MORC1: variants seen among roughly 807,000 people sequenced by gnomAD.
MORC1 encodes the protein MORC family CW-type zinc finger protein 1.
A neutral mutation model predicts 134.9 loss-of-function variants in MORC1; 59 were observed. That is an observed-to-expected ratio of 0.44 (90% CI 0.35 to 0.54). MORC1 has a LOEUF of 0.54. MORC1 is among the 20% of genes least tolerant of loss of function. The pLI, the probability that MORC1 is intolerant of heterozygous loss-of-function variation, is 0.00. For synonymous variants in MORC1, 395 were observed against 391.7 expected (o/e 1.01, Z -0.10); for missense variants, 947 against 1,134.5 (o/e 0.83, Z 2.37).
intron 14 of MORC1, among the ~76,000 whole-genome samples, chr3:109,037,309 T>G (rs1559910130): frequency 1.3e-5 from 2 of 152,210 alleles, no homozygotes; most frequent in Non-Finnish European, 2.9e-5. Context: ...TAGCGTCACA[T>G]GGACTTGTTA....
chr3:109,086,385 AT>A (rs1257947138), intron 8 of MORC1, among the ~76,000 whole-genome samples: 2 of 151,962 alleles, frequency 1.3e-5, no homozygotes, highest in African/African-American at 2.4e-5. Flanking sequence ...TTTTAAAGTT[AT>A]TTTTTTAAGT....
intron 24 of MORC1, among the ~76,000 whole-genome samples, chr3:108,979,233 G>GA (rs957221364): frequency 2.0e-5 from 3 of 152,048 alleles, no homozygotes; most frequent in Admixed American, 6.5e-5. Flanking sequence ...CTTTGTTGGG[G>GA]AAAAAAGAAA....
intron 2 of MORC1, among the ~76,000 whole-genome samples, chr3:109,111,062 A>C (rs796955097): frequency 3.2e-4 from 47 of 145,502 alleles, no homozygotes; most frequent in East Asian, 1.2e-3. Flanking sequence ...AAAAAAAAAA[A>C]AAAAAACAAA....
At chr3:109,051,838 C>T (rs899777934) in intron 14 of MORC1, among the ~76,000 whole-genome samples, 5 of 151,952 alleles carry the variant, frequency 3.3e-5, no homozygotes, top group South Asian at 2.1e-4. Context: ...AAATGATACC[C>T]TGTAGTTGGG....
intron 16 of MORC1, among the ~76,000 whole-genome samples, chr3:109,028,222 A>T (rs1008233840): frequency 3.4e-5 from 5 of 146,884 alleles, no homozygotes; most frequent in African/African-American, 1.3e-4. Flanking sequence ...AGCTTATCTC[A>T]TCACTGCCAT....
At chr3:109,058,553 G>C (rs1470833172) in intron 12 of MORC1, among the ~76,000 whole-genome samples, 1 of 151,890 alleles carries the variant, frequency 6.6e-6, no homozygotes, top group Non-Finnish European at 1.5e-5. Flanking sequence ...AAAGAACAAT[G>C]ATAAAGTTCT....
At chr3:109,021,066 A>T (rs1431458305) in intron 17 of MORC1, among the ~76,000 whole-genome samples, 1 of 152,192 alleles carries the variant, frequency 6.6e-6, no homozygotes, top group Non-Finnish European at 1.5e-5. Context: ...CAGAGGGTAC[A>T]GGCGTGGAGG....
At position 109,118,129 on chromosome 3, in the gene MORC1, G is replaced by GCGCCCACTCCCACGCCCA; in HGVS notation, c.-71_-70insTGGGCGTGGGAGTGGGCG. The stretch of plus-strand genomic sequence containing the variant: ...GACCGGCAGCCGTTCGCCTGCGCCC[G>GCGCCCACTCCCACGCCCA]CGCCCACTCCCACGCCCACGCTCAC... On this transcript the variant is annotated 5_prime_UTR_variant, in exon 1 of 28. Coordinates refer to ENST00000232603, the MANE Select transcript of MORC1 (RefSeq NM_014429.4). The GCGCCCACTCCCACGCCCA allele has an allele frequency of 1.3e-6, 2 of 1,541,114 alleles. No individual in the cohort carries two copies. The highest frequency in any genetic ancestry group is 2.4e-5 in the South Asian group (2 of 84,572).
chr3:109,000,629 C>T lies in MORC1; in HGVS notation c.2115G>A (p.Gln705=), dbSNP rs551965850. ...TACATTCCTCTACAAAGTTCAGACT[C>T]TGCTTCCTTTTCATTTCCCAAGAAG... ...QAASWEMKRK[Q]SLNFVEECKV... The change falls in exon 21 of 28, where the codon CAG becomes CAA. Residue 705 remains glutamine (Q), a synonymous_variant. Coordinates refer to ENST00000232603, the MANE Select transcript of MORC1 (RefSeq NM_014429.4). 2.1e-5 allele frequency: 34 copies of T among 1,610,918 alleles called. No homozygotes were observed. Among genetic ancestry groups the T allele is most frequent in the Middle Eastern group, 1.7e-4 (1 of 6,050 alleles).
chr3:108,982,153 C>T (rs185352611), intron 23 of MORC1, among the ~76,000 whole-genome samples: 31 of 152,240 alleles, frequency 2.0e-4, no homozygotes, highest in Admixed American at 1.2e-3. Flanking sequence ...CATGAAAAGA[C>T]GCTCATCATC....
intron 17 of MORC1, among the ~76,000 whole-genome samples, chr3:109,020,827 G>T (rs1247875465): frequency 6.6e-6 from 1 of 151,904 alleles, no homozygotes; most frequent in Admixed American, 6.5e-5. Context: ...CAGAGGAAGG[G>T]AGCAGATTCA....
At chr3:109,002,582 T>C (rs141853605) in intron 20 of MORC1, among the ~76,000 whole-genome samples, 6 of 152,302 alleles carry the variant, frequency 3.9e-5, no homozygotes, top group Non-Finnish European at 7.4e-5. Flanking sequence ...GCATAGGCCA[T>C]GTGTGCTCTT....
At chr3:109,052,151 G>A (rs2107662130) in intron 14 of MORC1, among the ~76,000 whole-genome samples, 1 of 152,230 alleles carries the variant, frequency 6.6e-6, no homozygotes, top group South Asian at 2.1e-4. Flanking sequence ...AGATGTTTGA[G>A]TTAAACCTCA....
intron 21 of MORC1, among the ~76,000 whole-genome samples, chr3:108,988,609 T>C (rs865882508): frequency 3.3e-4 from 51 of 152,278 alleles, no homozygotes; most frequent in African/African-American, 1.1e-3. Flanking sequence ...CAACAGCTAA[T>C]AGGAACCACA....
At chr3:109,028,327 C>G (rs1576649694) in intron 16 of MORC1, among the ~76,000 whole-genome samples, 1 of 152,018 alleles carries the variant, frequency 6.6e-6, no homozygotes, top group African/African-American at 2.4e-5. Flanking sequence ...TGTTTAATAA[C>G]CCCAGGATCA....
In MORC1 at chr3:109,063,457, G is replaced by A. The variant is rs75001197; in HGVS notation, c.816-226C>T. 5.2e-3 allele frequency among the ~76,000 whole-genome samples: 786 copies of A among 152,074 alleles called. 18 individuals carry two copies. Among genetic ancestry groups the A allele is most frequent in the African/African-American group, 0.018 (753 of 41,476 alleles). ...TTTTTTAAGGAAACTTCATGAGAGC[G>A]ATAAGAAAATCTGCCCACACAAATG... On this transcript the variant is annotated intron_variant, in intron 9 of 27. Coordinates refer to ENST00000232603, the MANE Select transcript of MORC1 (RefSeq NM_014429.4).
chr3:109,019,387 T>C (rs1361754375), intron 17 of MORC1, among the ~76,000 whole-genome samples: 1 of 152,224 alleles, frequency 6.6e-6, no homozygotes, highest in Non-Finnish European at 1.5e-5. Context: ...AGAAATTATG[T>C]TTACAATTAG....
At chr3:109,064,939 T>G (rs1950163489) in intron 9 of MORC1, among the ~76,000 whole-genome samples, 1 of 152,180 alleles carries the variant, frequency 6.6e-6, no homozygotes, top group African/African-American at 2.4e-5. Flanking sequence ...CTGAAGATTT[T>G]GTTCAGGATA....
chr3:109,102,280 G>A (rs1950943336), intron 4 of MORC1, among the ~76,000 whole-genome samples: 1 of 152,118 alleles, frequency 6.6e-6, no homozygotes, highest in South Asian at 2.1e-4. Context: ...AAAGGCCAAA[G>A]AGGTGCATAG....
Sources: gnomAD v4.1 joint callset for allele counts (sites outside exome capture counted in the v4.1 genomes callset) on GRCh38, gnomAD v4.1.1 for gene constraint, MANE v1.5 for transcripts, NCBI Gene and HGNC (gene_info 2026-07-23, HGNC 2026-07-21) for gene names.